The following DDX19A variants were observed in gnomAD, a reference collection of about 807,000 sequenced individuals.
The protein encoded by DDX19A is ATP-dependent RNA helicase DDX19A.
Under a neutral mutation model 60.6 loss-of-function variants are expected in DDX19A, and 12 were observed. The observed-to-expected ratio is 0.20, with a 90% CI of 0.13 to 0.32. DDX19A has a LOEUF of 0.32. Ranked by LOEUF, DDX19A falls within the 10% of genes least tolerant of loss-of-function variation. DDX19A has a pLI of 1.00. For missense variants in DDX19A, 337 were observed against 600.6 expected (o/e 0.56, Z 4.59); for synonymous variants, 206 against 218.2 (o/e 0.94, Z 0.49).
intron 4 of DDX19A, 145 bp downstream of exon 4, chr16:70,356,392 TG>T (rs1964185629): frequency 7.6e-7 from 1 of 1,309,322 alleles, no homozygotes; most frequent in African/African-American, 1.5e-5. Flanking sequence ...GTTTCGCTCC[TG>T]TTGCCCAGCC....
At chr16:70,362,650 C>T (rs1378774247) in intron 5 of DDX19A, among the ~76,000 whole-genome samples, 1 of 152,072 alleles carries the variant, frequency 6.6e-6, no homozygotes, top group South Asian at 2.1e-4. Flanking sequence ...CAATTACAGC[C>T]CACTGCAGCC....
chr16:70,366,593 T>C (rs1597539134), intron 8 of DDX19A, 31 bp from the exon 9 acceptor site: 2 of 1,613,594 alleles, frequency 1.2e-6, no homozygotes, highest in East Asian at 4.5e-5. Context: ...CAGGGCCACC[T>C]GGGGCCATCT....
At chr16:70,366,336 C>T (rs775781145) in intron 8 of DDX19A, 74 bp downstream of exon 8, 2 of 1,588,962 alleles carry the variant, frequency 1.3e-6, no homozygotes, top group East Asian at 2.2e-5. Flanking sequence ...TCAGACGCCT[C>T]CTCTGGCTTC....
intron 10 of DDX19A, chr16:70,370,922 G>A (rs1360608407): frequency 9.0e-6 from 2 of 222,456 alleles, no homozygotes; most frequent in African/African-American, 4.7e-5. Context: ...CTTGAACCCG[G>A]GAGGTGGAGG....
At chr16:70,352,717 A>G (rs182100631) in intron 2 of DDX19A, among the ~76,000 whole-genome samples, 3 of 146,672 alleles carry the variant, frequency 2.0e-5, no homozygotes, top group Admixed American at 6.9e-5. Flanking sequence ...GCTCACCGCA[A>G]CCTCCACCTC....
chr16:70,352,825 A>G (rs1597523106), intron 2 of DDX19A, among the ~76,000 whole-genome samples: 1 of 150,614 alleles, frequency 6.6e-6, no homozygotes, highest in Middle Eastern at 3.4e-3. Context: ...TTTAGTAGAG[A>G]TGGGGTTTCT....
intron 1 of DDX19A, chr16:70,347,288 T>A: frequency 1.8e-6 from 1 of 545,824 alleles, no homozygotes; most frequent in South Asian, 2.2e-5. Flanking sequence ...CTATGCATGC[T>A]GTCATTCCTC....
chr16:70,370,164 C>A, intron 9 of DDX19A, 59 bp from the exon 10 acceptor site: 1 of 1,554,372 alleles, frequency 6.4e-7, no homozygotes, highest in South Asian at 1.2e-5. Context: ...GACTGTGTCT[C>A]AAAAAGAAAA....
At chr16:70,369,511 A>T (rs933064614) in intron 9 of DDX19A, among the ~76,000 whole-genome samples, 13 of 151,040 alleles carry the variant, frequency 8.6e-5, no homozygotes, top group East Asian at 3.9e-4. Context: ...GGCTCAAGTG[A>T]TCCTTCACTT....
Position 70,370,366 on chromosome 16 carries a change from C to G in DDX19A, c.1164C>G (p.Thr388=), listed in dbSNP as rs776314079. 28 of 1,613,364 alleles carry G rather than the reference C, an allele frequency of 1.7e-5. No individual in the cohort carries two copies. Among genetic ancestry groups the G allele is most frequent in the Non-Finnish European group, 2.4e-5 (28 of 1,179,844 alleles). The change falls in exon 10 of 12, where the codon ACC becomes ACG. Residue 388 remains threonine (T), a synonymous_variant. Coordinates refer to ENST00000302243, the MANE Select transcript of DDX19A (RefSeq NM_018332.5). ...FREGKEKVLV[T]TNVCARGIDV... Reference sequence around the variant, plus strand: ...AGGGCAAAGAGAAGGTTTTGGTGACCACCAACGTGTGTGCCCGCGGTGAGC... The same window carrying G: ...AGGGCAAAGAGAAGGTTTTGGTGACGACCAACGTGTGTGCCCGCGGTGAGC...
chr16:70,370,065 C>G (rs1293604780), intron 9 of DDX19A, among the ~76,000 whole-genome samples, 158 bp from the exon 10 acceptor site: 2 of 152,126 alleles, frequency 1.3e-5, no homozygotes, highest in African/African-American at 4.8e-5. Flanking sequence ...AGCGTGGTGC[C>G]TCACACCTGT....
chr16:70,356,673 A>G, intron 4 of DDX19A: 1 of 247,460 alleles, frequency 4.0e-6, no homozygotes, highest in East Asian at 1.1e-4. Context: ...TTTTCTTTGA[A>G]AAGAAGTCAC....
At chr16:70,356,966 A>T (rs1267885871) in intron 4 of DDX19A, 2 of 876,988 alleles carry the variant, frequency 2.3e-6, no homozygotes, top group African/African-American at 3.6e-5. Context: ...AAAAAAAAAA[A>T]GGCCAGGCAC....
intron 4 of DDX19A, 149 bp downstream of exon 4, chr16:70,356,396 GC>G: frequency 1.6e-6 from 2 of 1,277,386 alleles, no homozygotes; most frequent in Non-Finnish European, 1.1e-6. Flanking sequence ...CGCTCCTGTT[GC>G]CCAGCCTGGA....
intron 7 of DDX19A, chr16:70,365,393 A>G (rs1964491487): frequency 3.8e-6 from 1 of 259,878 alleles, no homozygotes; most frequent in African/African-American, 2.3e-5. Context: ...TTCGCTCAGA[A>G]GGTAGAGTTT....
At position 70,373,037 on chromosome 16, in the gene DDX19A, A is replaced by T. The variant is rs532664066; in HGVS notation, c.*1051A>T. The T allele has an allele frequency of 2.0e-5, 3 of 152,180 alleles. No individual in the cohort carries two copies. The highest frequency in any genetic ancestry group is 7.2e-5 in the African/African-American group (3 of 41,516). 9.4% of individuals were successfully genotyped at this position (152,180 alleles called of 1,614,324 possible). ...CGGTTGAGCTCAGGCGTTCGGGACCAGCCTGGCCAACATGATGAAACCCCG... is the reference window on the plus strand; with the variant it reads ...CGGTTGAGCTCAGGCGTTCGGGACCTGCCTGGCCAACATGATGAAACCCCG... On this transcript the variant is annotated 3_prime_UTR_variant, in exon 12 of 12. Coordinates refer to ENST00000302243, the MANE Select transcript of DDX19A (RefSeq NM_018332.5).
chr16:70,370,401 G>C lies in DDX19A; in HGVS notation c.1183+16G>C, dbSNP rs1198788057. ...TGTGCCCGCGGTGAGCAGAGGACGT[G>C]TCCCACCTGGTCTGCCAGGCTCGGG... On this transcript the variant is annotated intron_variant, in intron 10 of 11. Transcript: ENST00000302243. 8.1e-6 allele frequency: 13 copies of C among 1,602,692 alleles called. No homozygotes were observed. Among genetic ancestry groups the C allele is most frequent in the Non-Finnish European group, 1.1e-5 (13 of 1,174,824 alleles).
Position 70,348,063 on chromosome 16 carries a change from C to G in DDX19A, c.57+1015C>G, listed in dbSNP as rs57177608. On this transcript the variant is annotated intron_variant, in intron 1 of 11. Transcript: ENST00000302243. ...CAAGGATTTATTGAACTACAGAGAACAGAATATGTTAGAAGTGATGGCTAA... is the reference window on the plus strand; with the variant it reads ...CAAGGATTTATTGAACTACAGAGAAGAGAATATGTTAGAAGTGATGGCTAA... 2,141 of 414,002 alleles carry G rather than the reference C, an allele frequency of 5.2e-3. 45 individuals carry two copies. The highest frequency in any genetic ancestry group is 0.041 in the African/African-American group (1,974 of 47,680). 25.6% of individuals were successfully genotyped at this position (414,002 alleles called of 1,614,324 possible).
Position 70,366,134 on chromosome 16 carries a change from G to A in DDX19A, c.654G>A (p.Gly218=). Residue 218 remains glycine, a synonymous_variant, in exon 8 of 12, where the codon GGG becomes GGA. Transcript: ENST00000302243. The part of the protein sequence containing the change: ...ISEQIVIGTP[G]TVLDWCSKLK... The stretch of plus-strand genomic sequence containing the variant: ...AGCAGATTGTCATTGGCACCCCTGG[G>A]ACCGTGCTGGACTGGTGCTCCAAGC... 6.2e-7 allele frequency: 1 copy of A among 1,614,146 alleles called. No homozygotes were observed. Among genetic ancestry groups the A allele is most frequent in the Non-Finnish European group, 8.5e-7 (1 of 1,180,030 alleles).
Sources: allele counts gnomAD v4.1 joint callset (sites outside exome capture counted in the v4.1 genomes callset), GRCh38; gene constraint gnomAD v4.1.1; transcripts MANE v1.5; gene names NCBI Gene and HGNC (gene_info 2026-07-23, HGNC 2026-07-21).